The following RTN4RL1 variants were observed in gnomAD, a reference collection of about 807,000 sequenced individuals.
RTN4RL1 encodes reticulon-4 receptor-like 1.
Under a neutral mutation model 25.6 loss-of-function variants are expected in RTN4RL1, and 7 were observed. The observed-to-expected ratio is 0.27, with a 90% CI of 0.16 to 0.51. The LOEUF (loss-of-function observed/expected upper bound fraction) is 0.51. Among genes scored for constraint, RTN4RL1 ranks in the 20% least tolerant of loss-of-function variants. The probability of loss-of-function intolerance (pLI) is 0.97; values close to 1 mark genes in which losing one functional copy is unlikely to be tolerated. For missense variants in RTN4RL1, 500 were observed against 615.6 expected, an observed-to-expected ratio of 0.81 and a Z score of 1.99; for synonymous variants, 297 against 288.2, an observed-to-expected ratio of 1.03 and a Z score of -0.31.
intron 1 of RTN4RL1, among the ~76,000 whole-genome samples, chr17:2,012,845 G>T (rs957497536): frequency 3.3e-5 from 5 of 151,386 alleles, no homozygotes; most frequent in African/African-American, 1.2e-4. Flanking sequence ...CCAGGCTGGA[G>T]TGAAGTGGCA....
rs576169949 is a variant in RTN4RL1, at chr17:1,961,168, G to A, written c.14-23360C>T. ...TGAGCCGGTTCACTATCAAGCACTC[G>A]GATGAAGCCATCTACAAAGATAAAG... On this transcript the variant is annotated intron_variant, in intron 1 of 1. Transcript: ENST00000331238. 7.9e-5 allele frequency among the ~76,000 whole-genome samples: 12 copies of A among 152,264 alleles called. No individual in the cohort carries two copies. In the South Asian group the frequency reaches 8.3e-4, roughly 11 times the overall value.
intron 1 of RTN4RL1, among the ~76,000 whole-genome samples, chr17:2,006,143 T>C (rs2066993767): frequency 6.7e-6 from 1 of 148,978 alleles, no homozygotes; most frequent in Non-Finnish European, 1.5e-5. Flanking sequence ...ATGTCATATT[T>C]GGGGGAGGTT....
At chr17:1,967,557 A>T (rs545554895) in intron 1 of RTN4RL1, among the ~76,000 whole-genome samples, 12 of 150,792 alleles carry the variant, frequency 8.0e-5, no homozygotes, top group African/African-American at 2.9e-4. Flanking sequence ...TCCCTCTTCG[A>T]GCCCTACACC....
rs1160328257 is a variant in RTN4RL1, at chr17:1,935,995, G to T, written c.*501C>A. 3 of 987,432 alleles carry T rather than the reference G, an allele frequency of 3.0e-6. No individual in the cohort carries two copies. Among genetic ancestry groups the T allele is most frequent in the Non-Finnish European group, 3.6e-6 (3 of 831,154 alleles). The allele number at this position is 987,432 out of a possible 1,614,324, so 61.2% of individuals were successfully genotyped here. A position where few individuals can be genotyped will look rare whatever the true frequency, so the allele number is the denominator to read the frequency against. ...GGAGTAGGATAGAATTCAGGGCAGG[G>T]TGACTGGCCTCAGGCAAGAGCCAAG... On this transcript the variant is annotated 3_prime_UTR_variant, in exon 2 of 2. Coordinates refer to ENST00000331238, the MANE Select transcript of RTN4RL1 (RefSeq NM_178568.4).
intron 1 of RTN4RL1, among the ~76,000 whole-genome samples, chr17:1,948,624 C>T (rs1228636057): frequency 2.0e-5 from 3 of 152,194 alleles, no homozygotes; most frequent in East Asian, 3.9e-4. Context: ...GGCGGACGGG[C>T]GGATGGGCCC....
chr17:2,013,624 CCTCACCCT>C (rs1567528124), intron 1 of RTN4RL1, among the ~76,000 whole-genome samples: 25 of 130,634 alleles, frequency 1.9e-4, no homozygotes, highest in African/African-American at 7.2e-4. Flanking sequence ...ACCCCAGCTC[CCTCACCCT>C]GGAACATAAA....
chr17:2,008,383 T>C (rs558612814), intron 1 of RTN4RL1, among the ~76,000 whole-genome samples: 1 of 152,040 alleles, frequency 6.6e-6, no homozygotes, highest in Admixed American at 6.5e-5. Flanking sequence ...GAAAGGTGTT[T>C]GAGAAATACT....
intron 1 of RTN4RL1, among the ~76,000 whole-genome samples, chr17:1,988,506 C>CAAAAAA (rs777393625): frequency 3.7e-5 from 3 of 80,482 alleles, no homozygotes; most frequent in Non-Finnish European, 6.9e-5. Flanking sequence ...GACTCTGTCT[C>CAAAAAA]AAAAAAAAAA....
chr17:1,949,570 G>GATCAGTGA (rs1478121499), intron 1 of RTN4RL1, among the ~76,000 whole-genome samples: 1 of 152,198 alleles, frequency 6.6e-6, no homozygotes, highest in African/African-American at 2.4e-5. Context: ...AAGGCATTCA[G>GATCAGTGA]AACCGGCATC....
intron 1 of RTN4RL1, among the ~76,000 whole-genome samples, chr17:1,953,602 G>C (rs1915728934): frequency 2.0e-5 from 3 of 152,022 alleles, no homozygotes; most frequent in African/African-American, 7.2e-5. Context: ...GTCTCACTCT[G>C]TCACCAGGCT....
intron 1 of RTN4RL1, among the ~76,000 whole-genome samples, chr17:2,017,171 G>T (rs949537216): frequency 1.3e-5 from 2 of 152,212 alleles, no homozygotes; most frequent in African/African-American, 4.8e-5. Context: ...CTGGTGCCCA[G>T]AAAGAGATAG....
chr17:1,960,026 C>G (rs892806076), intron 1 of RTN4RL1, among the ~76,000 whole-genome samples: 7 of 152,212 alleles, frequency 4.6e-5, no homozygotes, highest in Non-Finnish European at 8.8e-5. Flanking sequence ...GTAGGCTTCC[C>G]TGTCTCAGCA....
At chr17:2,010,364 C>A (rs1027575440) in intron 1 of RTN4RL1, among the ~76,000 whole-genome samples, 8 of 152,116 alleles carry the variant, frequency 5.3e-5, no homozygotes, top group Non-Finnish European at 1.2e-4. Flanking sequence ...GTAATCCCAG[C>A]TACTCAGGAG....
chr17:1,991,340 ACGG>A (rs1323306037), intron 1 of RTN4RL1, among the ~76,000 whole-genome samples: 3 of 151,664 alleles, frequency 2.0e-5, no homozygotes, highest in African/African-American at 7.3e-5. Context: ...CGGGCTGGAA[ACGG>A]AAGAAAAGGT....
At chr17:2,015,641 C>T (rs535459199) in intron 1 of RTN4RL1, among the ~76,000 whole-genome samples, 1 of 152,242 alleles carries the variant, frequency 6.6e-6, no homozygotes, top group East Asian at 1.9e-4. Flanking sequence ...AAAGGTCTGT[C>T]GGGTTTAGTG....
At chr17:1,966,464 C>A (rs2066791826) in intron 1 of RTN4RL1, among the ~76,000 whole-genome samples, 1 of 152,130 alleles carries the variant, frequency 6.6e-6, no homozygotes, top group Non-Finnish European at 1.5e-5. Context: ...GAGGGCCTGT[C>A]CCAAGGGAGG....
chr17:1,987,740 C>G (rs2066893006), intron 1 of RTN4RL1, among the ~76,000 whole-genome samples: 1 of 104,274 alleles, frequency 9.6e-6, no homozygotes, highest in South Asian at 2.7e-4. Context: ...CACACACACA[C>G]ACACACACAC....
rs578208066 is a variant in RTN4RL1 at position 1,983,426 on chromosome 17, C to A, written c.13+41427G>T. ...ATTGACAGTGATACTAACAAAACAT[C>A]CGCAAGCCCTTCCCAAGACGCTGCA... On this transcript the variant is annotated intron_variant, in intron 1 of 1. Coordinates refer to ENST00000331238, the MANE Select transcript of RTN4RL1 (RefSeq NM_178568.4). Among the ~76,000 whole-genome samples the A allele has an allele frequency of 7.2e-5, 11 of 152,326 alleles. No individual in the cohort carries two copies. The South Asian group carries it at 2.3e-3, about 32-fold the overall frequency.
At chr17:2,002,394 G>C (rs1422849722) in intron 1 of RTN4RL1, among the ~76,000 whole-genome samples, 1 of 150,848 alleles carries the variant, frequency 6.6e-6, no homozygotes, top group Non-Finnish European at 1.5e-5. Flanking sequence ...CCGGGTTCAC[G>C]CCATTCTCCT....
Sources: allele counts gnomAD v4.1 joint callset (sites outside exome capture counted in the v4.1 genomes callset), GRCh38; gene constraint gnomAD v4.1.1; transcripts MANE v1.5; gene names NCBI Gene and HGNC (gene_info 2026-07-23, HGNC 2026-07-21).